Variants in TENM2 observed in about 807,000 individuals in gnomAD.
TENM2 encodes the protein teneurin-2.
A neutral mutation model predicts 245.2 loss-of-function variants in TENM2; 52 were observed. The ratio of observed to expected loss-of-function variants is 0.21; its 90% CI spans 0.17 to 0.27. The LOEUF is 0.27. Among genes scored for constraint, TENM2 ranks in the 10% least tolerant of loss-of-function variants. The pLI, the probability that TENM2 is intolerant of heterozygous loss-of-function variation, is 1.00. For missense variants in TENM2, 3,046 were observed against 3,666.8 expected, an observed-to-expected ratio of 0.83 and a Z score of 4.37; for synonymous variants, 1,363 against 1,438.9, an observed-to-expected ratio of 0.95 and a Z score of 1.19.
the TENM2 span, among the ~76,000 whole-genome samples, chr5:167,064,087 A>G: frequency 6.6e-6 from 1 of 152,152 alleles, no homozygotes; most frequent in African/African-American, 2.4e-5. Context: ...TGTTTGCCCA[A>G]GTTAATGTAC....
At chr5:167,136,242 A>G in the TENM2 span, among the ~76,000 whole-genome samples, 1 of 152,050 alleles carries the variant, frequency 6.6e-6, no homozygotes, top group South Asian at 2.1e-4. Flanking sequence ...CTTTCTCCTC[A>G]TTGTGGTCTG....
chr5:167,627,357 A>G (rs1778574739), intron 2 of TENM2, among the ~76,000 whole-genome samples: 1 of 152,160 alleles, frequency 6.6e-6, no homozygotes, highest in African/African-American at 2.4e-5. Context: ...GTGAGGTCCT[A>G]TTATCAATGT....
chr5:168,236,967 TATATATATATATATATATATATA>T, intron 25 of TENM2, among the ~76,000 whole-genome samples: 2 of 5,302 alleles, frequency 3.8e-4, no homozygotes, highest in South Asian at 5.7e-3. Context: ...TATATATATA[TATATATATATATATATATATATA>T]TATATATATA....
the TENM2 span, among the ~76,000 whole-genome samples, chr5:167,152,065 C>T: frequency 1.3e-5 from 2 of 152,146 alleles, no homozygotes; most frequent in Admixed American, 1.3e-4. Context: ...CTCTTGTATA[C>T]AAAATTTGCC....
At chr5:167,131,909 A>G in the TENM2 span, among the ~76,000 whole-genome samples, 2 of 151,770 alleles carry the variant, frequency 1.3e-5, no homozygotes, top group Non-Finnish European at 2.9e-5. Context: ...TGCAACCTCC[A>G]CCTCCCAGGT....
At chr5:167,991,502 A>G (rs554809898) in intron 4 of TENM2, among the ~76,000 whole-genome samples, 5 of 152,220 alleles carry the variant, frequency 3.3e-5, no homozygotes, top group Non-Finnish European at 5.9e-5. Flanking sequence ...AGCAAGTCAC[A>G]TTTGAAGTCT....
In TENM2 at chr5:167,754,895, G is replaced by T. The variant is rs1762196832; in HGVS notation, c.503-121091G>T. 1.4e-5 allele frequency: 13 copies of T among 940,366 alleles called. No homozygotes were observed. The South Asian group carries it at 2.4e-4, about 18-fold the overall frequency. 58.3% of individuals were successfully genotyped at this position (940,366 alleles called of 1,614,324 possible). A position where few individuals can be genotyped will look rare whatever the true frequency, so the allele number is the denominator to read the frequency against. On this transcript the variant is annotated intron_variant, in intron 2 of 28. Coordinates refer to ENST00000518659, the Ensembl canonical transcript of TENM2. ...CATGCTGAGGCTGTCTACAGGGAAGGGAGCAGAAAGGGAGGAGGGAGAGAG... is the reference window on the plus strand; with the variant it reads ...CATGCTGAGGCTGTCTACAGGGAAGTGAGCAGAAAGGGAGGAGGGAGAGAG...
intron 2 of TENM2, among the ~76,000 whole-genome samples, chr5:167,703,486 C>G (rs1046566323): frequency 6.9e-6 from 1 of 144,194 alleles, no homozygotes; most frequent in Non-Finnish European, 1.5e-5. Flanking sequence ...GAGCCAAGAT[C>G]GCACCAATGT....
At chr5:167,571,934 C>T (rs747549519) in intron 2 of TENM2, among the ~76,000 whole-genome samples, 2 of 152,154 alleles carry the variant, frequency 1.3e-5, no homozygotes, top group Non-Finnish European at 2.9e-5. Context: ...CAGAGATTTC[C>T]GGATTTCCCA....
chr5:168,141,848 C>A (rs1755577743), intron 12 of TENM2, among the ~76,000 whole-genome samples: 1 of 152,194 alleles, frequency 6.6e-6, no homozygotes, highest in African/African-American at 2.4e-5. Flanking sequence ...CTTCATTCAT[C>A]ATGCCTCTCA....
intron 5 of TENM2, among the ~76,000 whole-genome samples, chr5:168,036,146 C>G (rs962279028): frequency 6.6e-6 from 1 of 152,096 alleles, no homozygotes; most frequent in Non-Finnish European, 1.5e-5. Flanking sequence ...AGTTAGGATC[C>G]GGCATGGGAT....
At chr5:167,025,427 TAA>T in the TENM2 span, among the ~76,000 whole-genome samples, 8 of 152,176 alleles carry the variant, frequency 5.3e-5, no homozygotes, top group African/African-American at 1.2e-4. Flanking sequence ...ATCACACATT[TAA>T]AAGTTTTCCA....
chr5:168,001,500 C>T (rs1157947934), intron 5 of TENM2, among the ~76,000 whole-genome samples: 4 of 152,154 alleles, frequency 2.6e-5, no homozygotes, highest in Non-Finnish European at 1.5e-5. Context: ...AGAAAGCAAT[C>T]GCTACAAGGC....
chr5:167,117,909 T>A, the TENM2 span, among the ~76,000 whole-genome samples: 1 of 147,082 alleles, frequency 6.8e-6, no homozygotes, highest in African/African-American at 2.5e-5. Context: ...AGAACCATAG[T>A]TTTAGAAGTT....
intron 2 of TENM2, among the ~76,000 whole-genome samples, chr5:167,762,730 C>T (rs1762763110): frequency 1.3e-5 from 2 of 152,172 alleles, no homozygotes; most frequent in South Asian, 2.1e-4. Flanking sequence ...GGGTGTTTTT[C>T]CCCTTTCTTT....
exon 29 of TENM2, chr5:168,262,778 T>C (rs1768332572): frequency 1.2e-6 from 2 of 1,607,306 alleles, no homozygotes; most frequent in Non-Finnish European, 1.7e-6. Flanking sequence ...CAACATCCAG[T>C]TTTTAAGACA....
intron 27 of TENM2, among the ~76,000 whole-genome samples, chr5:168,256,230 A>G (rs535618315): frequency 6.0e-5 from 9 of 151,258 alleles, no homozygotes; most frequent in African/African-American, 1.9e-4. Context: ...ATGTATATAT[A>G]TGTGTATATA....
intron 2 of TENM2, chr5:167,755,217 G>T (rs1434506507): frequency 6.4e-7 from 1 of 1,572,522 alleles, no homozygotes; most frequent in African/African-American, 1.3e-5. Flanking sequence ...TGTGCATGCA[G>T]ATGGGGTTTT....
chr5:167,392,890 C>T (rs1445095668), intron 2 of TENM2, among the ~76,000 whole-genome samples: 1 of 151,978 alleles, frequency 6.6e-6, no homozygotes, highest in Non-Finnish European at 1.5e-5. Flanking sequence ...TTTTCCTCTC[C>T]ATGCGGGTGG....
Sources: gnomAD v4.1 joint callset for allele counts (sites outside exome capture counted in the v4.1 genomes callset) on GRCh38, gnomAD v4.1.1 for gene constraint, MANE v1.5 for transcripts, NCBI Gene and HGNC (gene_info 2026-07-23, HGNC 2026-07-21) for gene names.